Variants in RYR3 observed in about 807,000 individuals in gnomAD.
RYR3 encodes the protein ryanodine receptor 3.
Under a neutral mutation model 584.3 loss-of-function variants are expected in RYR3, and 207 were observed. The ratio of observed to expected loss-of-function variants is 0.35; its 90% CI spans 0.32 to 0.40. The LOEUF (loss-of-function observed/expected upper bound fraction) is 0.40. Among genes scored for constraint, RYR3 ranks in the 10% least tolerant of loss-of-function variants. The pLI is 1.00. For missense variants in RYR3, 5,616 were observed against 6,089.2 expected (o/e 0.92, Z 2.59); for synonymous variants, 2,416 against 2,248.5 (o/e 1.07, Z -2.11).
intron 94 of RYR3, 120 bp from the exon 95 acceptor site, chr15:33,852,925 T>C: frequency 1.2e-6 from 1 of 807,732 alleles, no homozygotes; most frequent in East Asian, 2.7e-5. Context: ...TAAAATTCTT[T>C]GGTGAGCAGG....
intron 3 of RYR3, among the ~76,000 whole-genome samples, chr15:33,512,752 G>T (rs1192578015): frequency 1.3e-5 from 2 of 152,174 alleles, no homozygotes; most frequent in Non-Finnish European, 2.9e-5. Flanking sequence ...TCCATGGCTG[G>T]ACTAAATATA....
At chr15:33,829,948 T>C (rs2077581292) in intron 85 of RYR3, among the ~76,000 whole-genome samples, 1 of 152,172 alleles carries the variant, frequency 6.6e-6, no homozygotes, top group African/African-American at 2.4e-5. Flanking sequence ...TGAACCTGAA[T>C]TGCTGCAATC....
chr15:33,778,228 A>T (rs1268524687), intron 64 of RYR3, among the ~76,000 whole-genome samples: 1 of 151,180 alleles, frequency 6.6e-6, no homozygotes, highest in Non-Finnish European at 1.5e-5. Context: ...ACCCCTTGTT[A>T]TTCCTGATTT....
intron 76 of RYR3, among the ~76,000 whole-genome samples, 155 bp downstream of exon 76, chr15:33,818,839 G>T (rs1272312945): frequency 1.3e-5 from 2 of 152,178 alleles, no homozygotes; most frequent in East Asian, 3.9e-4. Flanking sequence ...GATATGTCTA[G>T]GGAGCCAGGC....
In RYR3 at chr15:33,827,196, C is replaced by T. The variant is rs866083414; in HGVS notation, c.11246-3C>T. 2 of 1,551,788 alleles carry T rather than the reference C, an allele frequency of 1.3e-6. No individual in the cohort carries two copies. The highest frequency in any genetic ancestry group is 1.7e-6 in the Non-Finnish European group (2 of 1,147,016). The stretch of plus-strand genomic sequence containing the variant: ...AGCTCTGACCCAGCACTGGTGCTCT[C>T]AGACTTTCAGAACTTCCTGCGGACT... On this transcript the variant is annotated splice_region_variant and splice_polypyrimidine_tract_variant and intron_variant, in intron 84 of 103. Coordinates refer to ENST00000634891, the MANE Select transcript of RYR3 (RefSeq NM_001036.6).
chr15:33,539,427 C>T lies in RYR3; in HGVS notation c.511C>T (p.Leu171Phe), dbSNP rs770203359. Reference sequence around the variant, plus strand: ...AGAGAAAGTTCGAATTGGCGATGACCTCATCCTCGTCAGCGTGTCCTCTGA... The same window carrying T: ...AGAGAAAGTTCGAATTGGCGATGACTTCATCCTCGTCAGCGTGTCCTCTGA... Reference protein sequence around the residue: ...EGEKVRIGDDLILVSVSSERY... With the variant: ...EGEKVRIGDDFILVSVSSERY... The change falls in exon 6 of 104, where the codon CTC becomes TTC. Residue 171 changes from leucine to phenylalanine, a missense_variant. Leu to Phe is a conservative substitution (Grantham distance 22, BLOSUM62 0). This residue lies in a region of RYR3 where 1,284 missense variants were observed against 1,344.6 expected (regional missense o/e 0.95). Transcript: ENST00000634891. The T allele has an allele frequency of 1.2e-5, 19 of 1,601,406 alleles. No individual in the cohort carries two copies. Among genetic ancestry groups the T allele is most frequent in the Non-Finnish European group, 1.5e-5 (18 of 1,173,222 alleles).
chr15:33,483,693 G>A (rs1333399871), intron 2 of RYR3, among the ~76,000 whole-genome samples: 1 of 152,144 alleles, frequency 6.6e-6, no homozygotes, highest in Admixed American at 6.5e-5. Context: ...AAGCATTTTA[G>A]CTGTTGCTTT....
intron 1 of RYR3, among the ~76,000 whole-genome samples, chr15:33,410,173 G>A (rs1005057296): frequency 5.3e-5 from 8 of 152,150 alleles, no homozygotes; most frequent in African/African-American, 1.7e-4. Context: ...TAATGCCACC[G>A]CCTGGGGAAT....
chr15:33,569,392 C>T (rs1185475229), intron 12 of RYR3, among the ~76,000 whole-genome samples: 2 of 152,114 alleles, frequency 1.3e-5, no homozygotes, highest in Non-Finnish European at 2.9e-5. Flanking sequence ...ATTTATTAAA[C>T]AAGAACTCCC....
At chr15:33,452,025 G>GA (rs1372361787) in intron 1 of RYR3, among the ~76,000 whole-genome samples, 1 of 152,236 alleles carries the variant, frequency 6.6e-6, no homozygotes, top group African/African-American at 2.4e-5. Context: ...TGAAGGCCCG[G>GA]AAAGGGCCTC....
intron 1 of RYR3, among the ~76,000 whole-genome samples, chr15:33,468,863 C>G (rs2048693177): frequency 1.3e-5 from 2 of 152,186 alleles, no homozygotes; most frequent in South Asian, 4.1e-4. Context: ...TCAATATAGG[C>G]TGCCTGGATT....
chr15:33,719,773 T>G (rs532281832), intron 43 of RYR3, among the ~76,000 whole-genome samples: 128 of 152,310 alleles, frequency 8.4e-4, no homozygotes, highest in African/African-American at 3.0e-3. Context: ...GTATAAATGG[T>G]AGGTTCAACT....
At chr15:33,815,576 T>G (rs995833966) in intron 74 of RYR3, among the ~76,000 whole-genome samples, 1 of 152,232 alleles carries the variant, frequency 6.6e-6, no homozygotes, top group Non-Finnish European at 1.5e-5. Flanking sequence ...GAATTCACTA[T>G]GTCCTTCATG....
intron 22 of RYR3, among the ~76,000 whole-genome samples, chr15:33,630,557 A>G (rs2061214390): frequency 6.6e-6 from 1 of 152,200 alleles, no homozygotes; most frequent in African/African-American, 2.4e-5. Flanking sequence ...TCACTGCAGA[A>G]CATTTTAACT....
chr15:33,546,921 C>T lies in RYR3; in HGVS notation c.741-1209C>T, dbSNP rs191512305. On this transcript the variant is annotated intron_variant, in intron 8 of 103. Coordinates refer to ENST00000634891, the MANE Select transcript of RYR3 (RefSeq NM_001036.6). ...ACTTCAATTGTGATCCATACAAATT[C>T]TCTACGGTGGAGGTAGGATTTTAAG... Among the ~76,000 whole-genome samples the T allele has an allele frequency of 1.1e-3, 174 of 152,322 alleles. 1 individual carries two copies. The highest frequency in any genetic ancestry group is 3.7e-3 in the African/African-American group (152 of 41,578).
chr15:33,510,465 G>A (rs1424060167), intron 3 of RYR3, among the ~76,000 whole-genome samples: 1 of 151,782 alleles, frequency 6.6e-6, no homozygotes, highest in Non-Finnish European at 1.5e-5. Context: ...TTGAGACCTC[G>A]GCTCCCATTT....
intron 16 of RYR3, among the ~76,000 whole-genome samples, chr15:33,600,901 A>C (rs892361245): frequency 4.6e-5 from 7 of 151,984 alleles, no homozygotes; most frequent in African/African-American, 1.7e-4. Flanking sequence ...TTTTGTTAAG[A>C]CCTCCGCTAA....
rs1194660365 is a variant in RYR3 at position 33,838,965 on chromosome 15, G to A, written c.12978+7G>A. Reference sequence around the variant, plus strand: ...GAAGAAGAGGAAAGCTCAGGTAAGTGTCATTTGTTTCTTTCATCTTCCTTT... The same window carrying A: ...GAAGAAGAGGAAAGCTCAGGTAAGTATCATTTGTTTCTTTCATCTTCCTTT... On this transcript the variant is annotated splice_region_variant and intron_variant, in intron 89 of 103. Transcript: ENST00000634891. The A allele has an allele frequency of 1.9e-6, 3 of 1,597,574 alleles. No homozygotes were observed. The highest frequency in any genetic ancestry group is 3.5e-5 in the Admixed American group (2 of 57,284).
chr15:33,566,997 C>T (rs2057752847), intron 12 of RYR3, among the ~76,000 whole-genome samples, 198 bp downstream of exon 12: 1 of 152,202 alleles, frequency 6.6e-6, no homozygotes, highest in Non-Finnish European at 1.5e-5. Context: ...CTTTGTTCAA[C>T]AGATGCCCAA....
Sources: gnomAD v4.1 joint callset for allele counts (sites outside exome capture counted in the v4.1 genomes callset) on GRCh38, gnomAD v4.1.1 for gene constraint, gnomAD v4.1.1 regional missense constraint, MANE v1.5 for transcripts, NCBI Gene and HGNC (gene_info 2026-07-23, HGNC 2026-07-21) for gene names.